SGCD: variants seen among roughly 807,000 people sequenced by gnomAD.
The protein encoded by SGCD is delta-sarcoglycan.
A neutral mutation model predicts 36.6 loss-of-function variants in SGCD; 18 were observed. The ratio of observed to expected loss-of-function variants is 0.49; its 90% CI spans 0.34 to 0.73. The LOEUF (loss-of-function observed/expected upper bound fraction) is 0.73, where lower values mean the gene tolerates loss of function less well. Ranked by LOEUF, SGCD falls within the 30% of genes least tolerant of loss-of-function variation. SGCD has a pLI of 0.01. For synonymous variants in SGCD, 133 were observed against 130.6 expected (o/e 1.02, Z -0.12); for missense variants, 387 against 346.7 (o/e 1.12, Z -0.92).
intron 1 of SGCD, among the ~76,000 whole-genome samples, chr5:156,034,830 C>A (rs1759449038): frequency 6.6e-6 from 1 of 152,162 alleles, no homozygotes; most frequent in South Asian, 2.1e-4. Flanking sequence ...GCATAGTAAG[C>A]ACTTAGTCAA....
intron 3 of SGCD, among the ~76,000 whole-genome samples, chr5:156,199,069 A>G (rs957049891): frequency 1.3e-5 from 2 of 152,100 alleles, no homozygotes; most frequent in African/African-American, 2.4e-5. Context: ...CCCTAAACAC[A>G]TGTAGATACA....
intron 6 of SGCD, among the ~76,000 whole-genome samples, chr5:156,618,592 CAAA>C (rs748789128): frequency 6.5e-5 from 5 of 76,358 alleles, no homozygotes; most frequent in African/African-American, 1.9e-4. Context: ...TCATAATTCT[CAAA>C]AAAAAAAAAA....
chr5:156,737,521 A>T (rs777462687), intron 7 of SGCD, among the ~76,000 whole-genome samples: 3 of 152,202 alleles, frequency 2.0e-5, no homozygotes, highest in Non-Finnish European at 2.9e-5. Context: ...AGTTATTTAC[A>T]TATAAGACAC....
At chr5:156,347,592 G>A (rs78115090) in intron 3 of SGCD, among the ~76,000 whole-genome samples, 5,192 of 152,178 alleles carry the variant, frequency 0.034, 236 homozygotes, top group African/African-American at 0.097. Context: ...AACTTGGCTA[G>A]TACTCATGTA....
chr5:156,649,454 A>T (rs1044423076), intron 7 of SGCD, among the ~76,000 whole-genome samples: 93 of 152,156 alleles, frequency 6.1e-4, no homozygotes, highest in African/African-American at 2.2e-3. Flanking sequence ...AAGACTTGGA[A>T]CCAAGCCAAA....
intron 3 of SGCD, among the ~76,000 whole-genome samples, chr5:156,380,323 A>G (rs936711483): frequency 3.3e-5 from 5 of 151,842 alleles, no homozygotes; most frequent in Non-Finnish European, 1.5e-5. Flanking sequence ...ATCTCAGAGA[A>G]CCCTCACTTG....
At chr5:156,371,942 A>G (rs1414270797) in intron 3 of SGCD, among the ~76,000 whole-genome samples, 2 of 152,244 alleles carry the variant, frequency 1.3e-5, no homozygotes, top group Non-Finnish European at 2.9e-5. Context: ...AACATGTCAG[A>G]GCTATTGTAC....
the SGCD span, among the ~76,000 whole-genome samples, chr5:155,801,775 A>C: frequency 2.0e-5 from 3 of 152,248 alleles, no homozygotes; most frequent in Non-Finnish European, 2.9e-5. Flanking sequence ...GGAATTGAGG[A>C]GAAAGAATTC....
At chr5:156,356,836 G>A (rs77616336) in intron 3 of SGCD, among the ~76,000 whole-genome samples, 4,099 of 152,218 alleles carry the variant, frequency 0.027, 75 homozygotes, top group African/African-American at 0.048. Context: ...ATGAGGCAGA[G>A]GAAAATTTGA....
chr5:156,244,805 C>T (rs1345486768), intron 3 of SGCD, among the ~76,000 whole-genome samples: 1 of 152,134 alleles, frequency 6.6e-6, no homozygotes, highest in Non-Finnish European at 1.5e-5. Flanking sequence ...TAAACTATAA[C>T]AGAACTTCAG....
chr5:156,593,547 T>C (rs1760809537), intron 5 of SGCD, among the ~76,000 whole-genome samples: 1 of 152,166 alleles, frequency 6.6e-6, no homozygotes, highest in South Asian at 2.1e-4. Context: ...CCCTGGTCTG[T>C]CTTTGTTCTA....
At chr5:156,361,642 G>A (rs1580873029) in intron 3 of SGCD, among the ~76,000 whole-genome samples, 1 of 152,158 alleles carries the variant, frequency 6.6e-6, no homozygotes, top group African/African-American at 2.4e-5. Context: ...ATGTTTAAAG[G>A]AATGACTAAT....
chr5:155,956,797 G>C (rs75979424), intron 1 of SGCD, among the ~76,000 whole-genome samples: 10,950 of 143,404 alleles, frequency 0.076, 587 homozygotes, highest in Middle Eastern at 0.14. Flanking sequence ...TGGACTCAGG[G>C]CCCCCCCCCC....
chr5:156,238,512 T>C (rs1220097054), intron 3 of SGCD, among the ~76,000 whole-genome samples: 1 of 152,196 alleles, frequency 6.6e-6, no homozygotes, highest in Non-Finnish European at 1.5e-5. Context: ...TCAAGCCCTC[T>C]CCCTGTGGAT....
chr5:155,974,358 G>A (rs1042116984), intron 1 of SGCD, among the ~76,000 whole-genome samples: 1 of 152,042 alleles, frequency 6.6e-6, no homozygotes, highest in Non-Finnish European at 1.5e-5. Context: ...TCTTGGGCTG[G>A]TTCTGTTGTA....
chr5:156,097,609 T>C (rs1475120500), intron 1 of SGCD, among the ~76,000 whole-genome samples: 5 of 152,148 alleles, frequency 3.3e-5, no homozygotes, highest in African/African-American at 9.7e-5. Context: ...ATTTCCTGTT[T>C]TTTCATTTGT....
intron 3 of SGCD, among the ~76,000 whole-genome samples, chr5:156,198,910 G>A (rs1039706301): frequency 1.3e-5 from 2 of 151,868 alleles, no homozygotes; most frequent in Admixed American, 6.6e-5. Context: ...TGCCTTGGTT[G>A]GATTCAAACT....
chr5:156,180,839 G>T (rs1763589865), intron 3 of SGCD, among the ~76,000 whole-genome samples: 1 of 136,278 alleles, frequency 7.3e-6, no homozygotes, highest in Non-Finnish European at 1.6e-5. Flanking sequence ...AAGTTAAGGG[G>T]AAGGCAAAGG....
the SGCD span, among the ~76,000 whole-genome samples, chr5:155,837,197 G>A: frequency 6.6e-6 from 1 of 152,140 alleles, no homozygotes; most frequent in African/African-American, 2.4e-5. Flanking sequence ...TCACTGGGTT[G>A]CCCAAGCTGG....
Sources: gnomAD v4.1 joint callset for allele counts (sites outside exome capture counted in the v4.1 genomes callset) on GRCh38, gnomAD v4.1.1 for gene constraint, MANE v1.5 for transcripts, NCBI Gene and HGNC (gene_info 2026-07-23, HGNC 2026-07-21) for gene names.